The following SPATA17 variants were observed in gnomAD, a reference collection of about 807,000 sequenced individuals.
SPATA17 encodes spermatogenesis-associated protein 17.
A neutral mutation model predicts 62.2 loss-of-function variants in SPATA17; 53 were observed. The observed-to-expected ratio is 0.85, with a 90% CI of 0.68 to 1.07. The LOEUF (loss-of-function observed/expected upper bound fraction) is 1.07. Among genes scored for constraint, SPATA17 ranks in the 50% least tolerant of loss-of-function variants. The pLI, the probability that SPATA17 is intolerant of heterozygous loss-of-function variation, is 0.00. For missense variants in SPATA17, 466 were observed against 425.5 expected, an observed-to-expected ratio of 1.10 and a Z score of -0.84; for synonymous variants, 146 against 146.8, an observed-to-expected ratio of 0.99 and a Z score of 0.04.
chr1:217,763,515 G>T (rs574774420), intron 6 of SPATA17, among the ~76,000 whole-genome samples: 1 of 152,272 alleles, frequency 6.6e-6, no homozygotes, highest in Non-Finnish European at 1.5e-5. Context: ...AATGAGGTTG[G>T]AACAGAAAAG....
intron 6 of SPATA17, among the ~76,000 whole-genome samples, chr1:217,757,692 T>A (rs1485643099): frequency 6.6e-6 from 1 of 152,124 alleles, no homozygotes; most frequent in Non-Finnish European, 1.5e-5. Flanking sequence ...CTTGTACATG[T>A]TCGTCAGAGC....
At chr1:217,815,688 TG>T (rs1423641697) in intron 9 of SPATA17, among the ~76,000 whole-genome samples, 1 of 152,142 alleles carries the variant, frequency 6.6e-6, no homozygotes, top group African/African-American at 2.4e-5. Context: ...CTCCATAATG[TG>T]GGTGGGTCTC....
intron 5 of SPATA17, among the ~76,000 whole-genome samples, chr1:217,705,766 A>G (rs1199576305): frequency 6.6e-6 from 1 of 151,924 alleles, no homozygotes; most frequent in East Asian, 1.9e-4. Flanking sequence ...TTTTGTTGCA[A>G]ATGGTTTTGT....
intron 9 of SPATA17, among the ~76,000 whole-genome samples, chr1:217,818,654 T>C (rs1674781063): frequency 6.6e-6 from 1 of 152,024 alleles, no homozygotes; most frequent in African/African-American, 2.4e-5. Context: ...TTACAGTTTA[T>C]CATTTTAGTT....
chr1:217,631,763 G>A (rs1669783907), intron 1 of SPATA17, among the ~76,000 whole-genome samples: 1 of 152,180 alleles, frequency 6.6e-6, no homozygotes, highest in African/African-American at 2.4e-5. Flanking sequence ...TACCCTGACT[G>A]GGGGTCACCC....
At chr1:217,730,764 T>C (rs1024037769) in intron 5 of SPATA17, among the ~76,000 whole-genome samples, 7 of 152,188 alleles carry the variant, frequency 4.6e-5, no homozygotes, top group African/African-American at 1.2e-4. Context: ...GATTTTTTGA[T>C]AGACGATAAA....
At chr1:217,808,346 TAC>T (rs751346889) in intron 9 of SPATA17, among the ~76,000 whole-genome samples, 6,431 of 108,888 alleles carry the variant, frequency 0.059, 137 homozygotes, top group Non-Finnish European at 0.07. Context: ...AATTAAAAAA[TAC>T]ACACACACAC....
At chr1:217,769,185 A>C (rs1673377741) in intron 6 of SPATA17, among the ~76,000 whole-genome samples, 1 of 152,258 alleles carries the variant, frequency 6.6e-6, no homozygotes, top group South Asian at 2.1e-4. Context: ...TTTCATTTGC[A>C]ATATTTATTT....
intron 6 of SPATA17, among the ~76,000 whole-genome samples, chr1:217,764,139 A>T (rs1673242711): frequency 6.6e-6 from 1 of 152,092 alleles, no homozygotes; most frequent in Non-Finnish European, 1.5e-5. Flanking sequence ...CTGATGCTGT[A>T]TGTTCTATGG....
intron 6 of SPATA17, among the ~76,000 whole-genome samples, chr1:217,746,584 G>A (rs919751698): frequency 6.6e-6 from 1 of 151,520 alleles, no homozygotes; most frequent in African/African-American, 2.4e-5. Flanking sequence ...ATAATTTTAC[G>A]ATGATTATGC....
At chr1:217,811,656 G>A (rs903490533) in intron 9 of SPATA17, among the ~76,000 whole-genome samples, 3 of 148,528 alleles carry the variant, frequency 2.0e-5, no homozygotes, top group Admixed American at 6.8e-5. Flanking sequence ...TTGTGCCATT[G>A]CACTCCAGCC....
chr1:217,727,595 AT>A (rs1237378115), intron 5 of SPATA17, among the ~76,000 whole-genome samples: 5 of 152,180 alleles, frequency 3.3e-5, no homozygotes, highest in Non-Finnish European at 7.3e-5. Context: ...TTGGAGGAAT[AT>A]TTGAATAGTT....
chr1:217,801,697 G>T (rs770601975), intron 8 of SPATA17, 21 bp from the exon 9 acceptor site: 11 of 1,573,082 alleles, frequency 7.0e-6, no homozygotes, highest in Non-Finnish European at 9.5e-6. Flanking sequence ...GTTAAGAATA[G>T]CTCTTAAATA....
intron 6 of SPATA17, among the ~76,000 whole-genome samples, chr1:217,751,777 G>A (rs545868856): frequency 2.0e-5 from 3 of 152,082 alleles, no homozygotes; most frequent in East Asian, 1.9e-4. Flanking sequence ...AACAATTTCC[G>A]AAAGAGGCAA....
intron 6 of SPATA17, among the ~76,000 whole-genome samples, chr1:217,751,136 G>A (rs1029283566): frequency 1.3e-5 from 2 of 152,160 alleles, no homozygotes; most frequent in African/African-American, 4.8e-5. Context: ...CATCAATTCT[G>A]AGTGAGTTCA....
chr1:217,870,460 A>G lies in SPATA17; in HGVS notation c.*3441A>G, dbSNP rs533208136. 19 of 152,296 alleles carry G rather than the reference A, an allele frequency of 1.2e-4. No homozygotes were observed. Among genetic ancestry groups the G allele is most frequent in the Non-Finnish European group, 2.1e-4 (14 of 68,026 alleles). The allele number at this position is 152,296 out of a possible 1,614,324, so 9.4% of individuals were successfully genotyped here. On this transcript the variant is annotated 3_prime_UTR_variant, in exon 11 of 11. Coordinates refer to ENST00000366933, the MANE Select transcript of SPATA17 (RefSeq NM_138796.4). Reference sequence around the variant, plus strand: ...TGCCTTTGCATTAAGGTGAGAGAAGACCGAGATGAAATCTTATTAGAAAAT... The same window carrying G: ...TGCCTTTGCATTAAGGTGAGAGAAGGCCGAGATGAAATCTTATTAGAAAAT...
chr1:217,801,838 G>A lies in SPATA17; in HGVS notation c.993G>A (p.Trp331Ter). 1 of 1,606,962 alleles carries A rather than the reference G, an allele frequency of 6.2e-7. No individual in the cohort carries two copies. Among genetic ancestry groups the A allele is most frequent in the Non-Finnish European group, 8.5e-7 (1 of 1,178,034 alleles). ...TCCGAAGTGAAAATCCTAAGAAATG[G>A]ATCTGTGACAAGGTGAGTTAACAAA... ...EQFRSENPKK[W>*]ICDKDFQTVL... is the part of the protein sequence containing the mutation. The change falls in exon 9 of 11, where the codon TGG becomes TGA. Residue 331 changes from tryptophan to a stop codon, truncating the protein, a stop_gained. Coordinates refer to ENST00000366933, the MANE Select transcript of SPATA17 (RefSeq NM_138796.4). LOFTEE classifies it high-confidence loss of function.
At chr1:217,863,599 C>T (rs1675941420) in intron 10 of SPATA17, among the ~76,000 whole-genome samples, 1 of 151,692 alleles carries the variant, frequency 6.6e-6, no homozygotes, top group Non-Finnish European at 1.5e-5. Context: ...CTTACAATAC[C>T]AAAGAAATGG....
chr1:217,738,034 C>T (rs1236336553), intron 5 of SPATA17: 2 of 152,294 alleles, frequency 1.3e-5, no homozygotes, highest in African/African-American at 4.8e-5. Flanking sequence ...CTACGTTAGC[C>T]AGGCTGATCT....
Sources: allele counts gnomAD v4.1 joint callset (sites outside exome capture counted in the v4.1 genomes callset), GRCh38; gene constraint gnomAD v4.1.1; transcripts MANE v1.5; gene names NCBI Gene and HGNC (gene_info 2026-07-23, HGNC 2026-07-21).